Variants in PRKG1 observed in about 807,000 individuals in gnomAD.
The protein encoded by PRKG1 is cGMP-dependent protein kinase 1.
Under a neutral mutation model 88.1 loss-of-function variants are expected in PRKG1, and 35 were observed. That is an observed-to-expected ratio of 0.40 (90% CI 0.30 to 0.53). PRKG1 has a LOEUF of 0.53. Ranked by LOEUF, PRKG1 falls within the 20% of genes least tolerant of loss-of-function variation. The pLI, the probability that PRKG1 is intolerant of heterozygous loss-of-function variation, is 0.59. For synonymous variants in PRKG1, 303 were observed against 292.5 expected, an observed-to-expected ratio of 1.04 and a Z score of -0.37; for missense variants, 540 against 839.8, an observed-to-expected ratio of 0.64 and a Z score of 4.41.
At chr10:51,482,085 A>C (rs998749134) in intron 3 of PRKG1, among the ~76,000 whole-genome samples, 3 of 152,210 alleles carry the variant, frequency 2.0e-5, no homozygotes, top group Non-Finnish European at 2.9e-5. Context: ...ATAAAGTGAC[A>C]TAAGGAATTG....
At chr10:51,191,431 G>A (rs969504818) in intron 2 of PRKG1, among the ~76,000 whole-genome samples, 8 of 151,766 alleles carry the variant, frequency 5.3e-5, no homozygotes, top group African/African-American at 1.7e-4. Flanking sequence ...GAATAAATGC[G>A]TGTAAATAAT....
chr10:51,567,933 C>A (rs185754928), intron 3 of PRKG1, among the ~76,000 whole-genome samples: 1 of 152,078 alleles, frequency 6.6e-6, no homozygotes, highest in East Asian at 1.9e-4. Flanking sequence ...AAATATTGGA[C>A]CCTAAGTTTG....
At chr10:52,194,390 G>A (rs376909294) in intron 9 of PRKG1, among the ~76,000 whole-genome samples, 13 of 152,152 alleles carry the variant, frequency 8.5e-5, no homozygotes, top group African/African-American at 2.4e-4. Context: ...GAAACATGAC[G>A]GTTATGACAA....
At chr10:51,898,155 A>T (rs941430282) in intron 4 of PRKG1, among the ~76,000 whole-genome samples, 2 of 152,202 alleles carry the variant, frequency 1.3e-5, no homozygotes, top group Non-Finnish European at 2.9e-5. Context: ...GAATCCAGTT[A>T]TCTATCTCCC....
intron 3 of PRKG1, among the ~76,000 whole-genome samples, chr10:51,592,166 T>A (rs1173758186): frequency 6.6e-6 from 1 of 152,122 alleles, no homozygotes; most frequent in Non-Finnish European, 1.5e-5. Flanking sequence ...AGGTTATAGA[T>A]GAAATAAAAT....
chr10:51,603,178 G>A (rs899465755), intron 3 of PRKG1, among the ~76,000 whole-genome samples: 4 of 151,840 alleles, frequency 2.6e-5, no homozygotes, highest in African/African-American at 4.8e-5. Flanking sequence ...GGCTGGTCTC[G>A]ACCTCCTGAC....
rs1283536380 is a variant in PRKG1 at position 51,218,492 on chromosome 10, T to C, written c.478+65162T>C. Among the ~76,000 whole-genome samples, 5 of 64,170 alleles carry C rather than the reference T, an allele frequency of 7.8e-5. No homozygotes were observed. In the East Asian group the frequency reaches 1.9e-3, roughly 24 times the overall value. 42.1% of individuals were successfully genotyped at this position (64,170 alleles called of 152,430 possible). ...TTTCATTATAGTTCATCTATCTTCA[T>C]ATATATATATATATATATATATATA... On this transcript the variant is annotated intron_variant, in intron 2 of 17. Coordinates refer to ENST00000373980, the MANE Select transcript of PRKG1 (RefSeq NM_006258.4).
At chr10:52,131,672 C>G (rs1163631727) in intron 7 of PRKG1, among the ~76,000 whole-genome samples, 1 of 151,676 alleles carries the variant, frequency 6.6e-6, no homozygotes, top group Non-Finnish European at 1.5e-5. Flanking sequence ...CATGGTGAAA[C>G]CCCATCTCTG....
chr10:51,790,253 C>G (rs1838835995), intron 3 of PRKG1, among the ~76,000 whole-genome samples: 1 of 152,100 alleles, frequency 6.6e-6, no homozygotes, highest in South Asian at 2.1e-4. Flanking sequence ...TTTGTTCTTT[C>G]TTTTTTGACT....
At chr10:51,653,905 T>G (rs1840100943) in intron 3 of PRKG1, among the ~76,000 whole-genome samples, 2 of 152,220 alleles carry the variant, frequency 1.3e-5, no homozygotes, top group South Asian at 4.1e-4. Context: ...TTTGTTTTCT[T>G]GCTAAGGTTG....
chr10:51,576,332 C>T (rs1837885600), intron 3 of PRKG1, among the ~76,000 whole-genome samples: 1 of 151,890 alleles, frequency 6.6e-6, no homozygotes, highest in Admixed American at 6.6e-5. Flanking sequence ...TGATATCTTA[C>T]TTTCCATGTT....
At chr10:51,603,360 G>T (rs1468504133) in intron 3 of PRKG1, among the ~76,000 whole-genome samples, 6 of 152,086 alleles carry the variant, frequency 3.9e-5, no homozygotes, top group African/African-American at 1.4e-4. Flanking sequence ...CAATCTTTTT[G>T]TCTGGTGAGT....
intron 3 of PRKG1, among the ~76,000 whole-genome samples, chr10:51,672,702 T>A (rs1238999505): frequency 6.6e-6 from 1 of 152,220 alleles, no homozygotes; most frequent in Non-Finnish European, 1.5e-5. Flanking sequence ...AATACATGTT[T>A]ACATGACCCA....
At chr10:51,852,213 G>GTATATATATATATATATATATATA (rs10650535) in intron 4 of PRKG1, among the ~76,000 whole-genome samples, 34 of 143,282 alleles carry the variant, frequency 2.4e-4, no homozygotes, top group African/African-American at 7.4e-4. Context: ...TTTTATATGT[G>GTATATATATATATATATATATATA]TATATATATA....
chr10:51,758,282 T>G (rs1372840272), intron 3 of PRKG1, among the ~76,000 whole-genome samples: 1 of 152,180 alleles, frequency 6.6e-6, no homozygotes, highest in African/African-American at 2.4e-5. Flanking sequence ...TGTATAAATC[T>G]TTAAAAAAAT....
intron 9 of PRKG1, among the ~76,000 whole-genome samples, chr10:52,201,471 G>A (rs1839666252): frequency 6.6e-6 from 1 of 152,090 alleles, no homozygotes; most frequent in Non-Finnish European, 1.5e-5. Context: ...AGTATAGTTT[G>A]AAGTCAAGTA....
intron 1 of PRKG1, among the ~76,000 whole-genome samples, chr10:51,146,179 A>G (rs1003017609): frequency 1.4e-5 from 2 of 145,282 alleles, no homozygotes; most frequent in African/African-American, 5.1e-5. Flanking sequence ...ACAGAACAAG[A>G]CTCTGTCTCA....
intron 2 of PRKG1, among the ~76,000 whole-genome samples, chr10:51,195,957 A>G (rs1162089443): frequency 1.3e-5 from 2 of 152,152 alleles, no homozygotes; most frequent in African/African-American, 2.4e-5. Context: ...GGTAGAACAC[A>G]TTTTCCACTT....
At chr10:52,073,204 C>A (rs1418946189) in intron 7 of PRKG1, among the ~76,000 whole-genome samples, 2 of 152,138 alleles carry the variant, frequency 1.3e-5, no homozygotes, top group African/African-American at 4.8e-5. Flanking sequence ...ATGAGAACAC[C>A]AGTCATTGAA....
Sources: allele counts gnomAD v4.1 joint callset (sites outside exome capture counted in the v4.1 genomes callset), GRCh38; gene constraint gnomAD v4.1.1; transcripts MANE v1.5; gene names NCBI Gene and HGNC (gene_info 2026-07-23, HGNC 2026-07-21).